Variants in RAPH1 observed in about 807,000 individuals in gnomAD.
The protein encoded by RAPH1 is Ras association (RalGDS/AF-6) and pleckstrin homology domains 1.
In RAPH1, 18 loss-of-function variants were observed where a neutral mutation model predicts 88.1. The ratio of observed to expected loss-of-function variants is 0.20; its 90% CI spans 0.14 to 0.30. The LOEUF (loss-of-function observed/expected upper bound fraction) is 0.30, where lower values mean the gene tolerates loss of function less well. Among genes scored for constraint, RAPH1 ranks in the 10% least tolerant of loss-of-function variants. The pLI, the probability that RAPH1 is intolerant of heterozygous loss-of-function variation, is 1.00. For synonymous variants in RAPH1, 587 were observed against 559.0 expected, an observed-to-expected ratio of 1.05 and a Z score of -0.71; for missense variants, 1,448 against 1,543.2, an observed-to-expected ratio of 0.94 and a Z score of 1.03.
intron 1 of RAPH1, among the ~76,000 whole-genome samples, chr2:203,526,998 G>A (rs1375535243): frequency 6.6e-6 from 1 of 151,906 alleles, no homozygotes; most frequent in Admixed American, 6.6e-5. Context: ...TGGCCAGGCT[G>A]GTCTAGAACT....
At chr2:203,524,632 A>G (rs1581411557) in intron 1 of RAPH1, among the ~76,000 whole-genome samples, 1 of 152,220 alleles carries the variant, frequency 6.6e-6, no homozygotes, top group East Asian at 1.9e-4. Flanking sequence ...AGGGGAAGGG[A>G]ACAAGACACT....
intron 4 of RAPH1, among the ~76,000 whole-genome samples, chr2:203,471,336 C>T (rs943586709): frequency 1.3e-5 from 2 of 152,084 alleles, no homozygotes; most frequent in African/African-American, 2.4e-5. Context: ...AGAGCAGCAC[C>T]CCCTATAAGA....
chr2:203,498,333 T>C (rs192051182), intron 1 of RAPH1, among the ~76,000 whole-genome samples: 7 of 152,304 alleles, frequency 4.6e-5, no homozygotes, highest in Admixed American at 1.3e-4. Flanking sequence ...GGTCACATGA[T>C]ATTTAGGTGA....
intron 1 of RAPH1, among the ~76,000 whole-genome samples, chr2:203,501,815 GAAAAAAA>G (rs56269110): frequency 2.2e-4 from 23 of 106,692 alleles, no homozygotes; most frequent in Non-Finnish European, 3.7e-4. Context: ...TAAGCATTAT[GAAAAAAA>G]AAAAAAAAAA....
intron 4 of RAPH1, among the ~76,000 whole-genome samples, chr2:203,487,719 T>C (rs1688037124): frequency 6.6e-6 from 1 of 152,152 alleles, no homozygotes; most frequent in Non-Finnish European, 1.5e-5. Context: ...ATAGAATATA[T>C]ACCACTTAGA....
chr2:203,522,117 A>G (rs1689904541), intron 1 of RAPH1, among the ~76,000 whole-genome samples: 1 of 152,162 alleles, frequency 6.6e-6, no homozygotes, highest in South Asian at 2.1e-4. Context: ...CCAAAACCAT[A>G]CAAGCCAAAA....
chr2:203,494,122 T>C (rs1055084232), intron 2 of RAPH1, among the ~76,000 whole-genome samples: 2 of 152,088 alleles, frequency 1.3e-5, no homozygotes, highest in East Asian at 1.9e-4. Flanking sequence ...GAATTCTAGA[T>C]TGCTGCAGAA....
At chr2:203,500,780 G>A (rs902377449) in intron 1 of RAPH1, among the ~76,000 whole-genome samples, 3 of 152,106 alleles carry the variant, frequency 2.0e-5, no homozygotes, top group Non-Finnish European at 4.4e-5. Flanking sequence ...CCTTAAATAA[G>A]TACTAGAATG....
chr2:203,503,465 A>G (rs1688836636), intron 1 of RAPH1, among the ~76,000 whole-genome samples: 1 of 152,166 alleles, frequency 6.6e-6, no homozygotes, highest in African/African-American at 2.4e-5. Flanking sequence ...GAACTTATTC[A>G]CTATCACAAG....
intron 4 of RAPH1, among the ~76,000 whole-genome samples, chr2:203,481,704 G>A (rs1687731996): frequency 6.7e-6 from 1 of 149,564 alleles, no homozygotes; most frequent in African/African-American, 2.5e-5. Flanking sequence ...TGATTCTCCT[G>A]CCTCAGCCTC....
At chr2:203,504,291 C>G (rs1688876701) in intron 1 of RAPH1, among the ~76,000 whole-genome samples, 1 of 152,220 alleles carries the variant, frequency 6.6e-6, no homozygotes, top group Non-Finnish European at 1.5e-5. Flanking sequence ...TTCTATACAT[C>G]TTCTGAAATC....
At chr2:203,441,513 T>G in intron 13 of RAPH1, 100 bp from the exon 14 acceptor site, 1 of 1,420,504 alleles carries the variant, frequency 7.0e-7, no homozygotes, top group South Asian at 1.6e-5. Context: ...AAGCAGGGAG[T>G]CTGGGACATG....
chr2:203,531,045 T>G (rs1454679148), intron 1 of RAPH1, among the ~76,000 whole-genome samples: 1 of 152,050 alleles, frequency 6.6e-6, no homozygotes. Context: ...AAGAATGAAG[T>G]TGGACCCTTA....
At chr2:203,444,206 G>C (rs1053418373) in intron 13 of RAPH1, 2 of 152,288 alleles carry the variant, frequency 1.3e-5, no homozygotes, top group African/African-American at 2.4e-5. Context: ...GGCTGAGGCA[G>C]GTGGATCTCG....
intron 9 of RAPH1, among the ~76,000 whole-genome samples, 180 bp downstream of exon 9, chr2:203,455,257 G>C (rs913401156): frequency 3.3e-5 from 5 of 152,232 alleles, no homozygotes; most frequent in East Asian, 1.9e-4. Flanking sequence ...CTAGTGACCA[G>C]AGAAGTAAGA....
rs776719526 is a variant in RAPH1 at position 203,441,216 on chromosome 2, G to A, written c.1974C>T (p.Gly658=). ...PLPSQSAPSA[G]SAAPMFVKYS... The stretch of plus-strand genomic sequence containing the variant: ...ACTTGACGAACATTGGGGCTGCTGA[G>A]CCTGCAGAAGGTGCAGACTGGCTGG... The change falls in exon 14 of 14, where the codon GGC becomes GGT. Residue 658 remains glycine, a synonymous_variant. Transcript: ENST00000319170. The A allele has an allele frequency of 1.1e-5, 16 of 1,520,532 alleles. No homozygotes were observed. In the South Asian group the frequency reaches 1.2e-4, roughly 12 times the overall value. The allele number at this position is 1,520,532 out of a possible 1,614,324, so 94.2% of individuals were successfully genotyped here.
At chr2:203,523,168 C>T (rs1052255335) in intron 1 of RAPH1, among the ~76,000 whole-genome samples, 20 of 151,542 alleles carry the variant, frequency 1.3e-4, no homozygotes, top group East Asian at 7.8e-4. Flanking sequence ...CCGAGGCGGG[C>T]GGATCATGGG....
In RAPH1 at chr2:203,474,356, C is replaced by T. The variant is rs2098535601; in HGVS notation, c.733-12431G>A. ...AAGCATGGTACAATGTCAGTAACAA[C>T]AAAAGTCCCACATTCCACAATTGTT... On this transcript the variant is annotated intron_variant, in intron 4 of 13. Transcript: ENST00000319170. Among the ~76,000 whole-genome samples the T allele has an allele frequency of 2.0e-5, 3 of 152,144 alleles. No individual in the cohort carries two copies. In the South Asian group the frequency reaches 6.2e-4, roughly 31 times the overall value.
chr2:203,519,780 G>A (rs1689781828), intron 1 of RAPH1, among the ~76,000 whole-genome samples: 2 of 152,126 alleles, frequency 1.3e-5, no homozygotes, highest in Admixed American at 1.3e-4. Context: ...GCAGCCATGG[G>A]TCCTGTTGGA....
Sources: allele counts gnomAD v4.1 joint callset (sites outside exome capture counted in the v4.1 genomes callset), GRCh38; gene constraint gnomAD v4.1.1; transcripts MANE v1.5; gene names NCBI Gene and HGNC (gene_info 2026-07-23, HGNC 2026-07-21).